The following CENPC variants were observed in gnomAD, a reference collection of about 807,000 sequenced individuals.
The protein encoded by CENPC is CENP-C 1.
In CENPC, 63 loss-of-function variants were observed where a neutral mutation model predicts 112.1. That is an observed-to-expected ratio of 0.56 (90% CI 0.46 to 0.69). The LOEUF is 0.69. CENPC is among the 30% of genes least tolerant of loss of function. CENPC has a pLI of 0.00. For synonymous variants in CENPC, 333 were observed against 367.6 expected (o/e 0.91, Z 1.08); for missense variants, 1,000 against 1,103.8 (o/e 0.91, Z 1.33).
intron 4 of CENPC, among the ~76,000 whole-genome samples, chr4:67,534,430 G>A (rs1488300657): frequency 1.3e-5 from 2 of 152,084 alleles, no homozygotes; most frequent in African/African-American, 2.4e-5. Flanking sequence ...TAGTAAAACC[G>A]AAGAGCCCCT....
chr4:67,509,425 C>G (rs1334968784), intron 9 of CENPC, among the ~76,000 whole-genome samples: 1 of 152,074 alleles, frequency 6.6e-6, no homozygotes, highest in Non-Finnish European at 1.5e-5. Context: ...CCCAAGGTGA[C>G]AGCTTCAGCT....
chr4:67,514,137 T>A lies in CENPC; in HGVS notation c.1381A>T (p.Asn461Tyr). The change falls in exon 8 of 19, where the codon AAT (asparagine) becomes TAT (tyrosine). Residue 461 changes from asparagine (N) to tyrosine (Y), a missense_variant. Transcript: ENST00000273853. ...QDEFQRNSDRNMEEHEEMGND... is the reference protein window; with the variant it reads ...QDEFQRNSDRYMEEHEEMGND... ...CCCATCTCTTCATGCTCTTCCATATTTCTGTCTGAATTTCTTTGAAATTCG... is the reference window on the plus strand; with the variant it reads ...CCCATCTCTTCATGCTCTTCCATATATCTGTCTGAATTTCTTTGAAATTCG... 1 of 1,610,566 alleles carries A rather than the reference T, an allele frequency of 6.2e-7. No individual in the cohort carries two copies. The highest frequency in any genetic ancestry group is 8.5e-7 in the Non-Finnish European group (1 of 1,178,670).
intron 18 of CENPC, among the ~76,000 whole-genome samples, chr4:67,474,232 T>C (rs938975718): frequency 6.6e-6 from 1 of 151,942 alleles, no homozygotes; most frequent in Non-Finnish European, 1.5e-5. Flanking sequence ...GCCCAGCTAA[T>C]TTTTTTGTAT....
chr4:67,521,022 C>CAAATAAAT (rs79427742), intron 5 of CENPC, among the ~76,000 whole-genome samples: 29,025 of 149,358 alleles, frequency 0.19, 3,130 homozygotes, highest in Non-Finnish European at 0.25. Flanking sequence ...AAAAAATAAA[C>CAAATAAAT]AAATAAATAA....
At chr4:67,511,032 C>G (rs1350317186) in intron 9 of CENPC, 1 of 455,970 alleles carries the variant, frequency 2.2e-6, no homozygotes, top group Non-Finnish European at 4.4e-6. Flanking sequence ...CAACCTGGGG[C>G]AGAAAAGTGA....
intron 4 of CENPC, among the ~76,000 whole-genome samples, chr4:67,536,408 A>G (rs534842953): frequency 6.6e-6 from 1 of 152,352 alleles, no homozygotes; most frequent in South Asian, 2.1e-4. Flanking sequence ...GTTATCCCAG[A>G]AAACAGAAGA....
chr4:67,494,778 A>G (rs1050340603), intron 13 of CENPC, among the ~76,000 whole-genome samples: 1 of 152,192 alleles, frequency 6.6e-6, no homozygotes, highest in African/African-American at 2.4e-5. Flanking sequence ...TCTACTTACT[A>G]TCCTAGCTAC....
chr4:67,475,756 G>A (rs755515642), intron 17 of CENPC, among the ~76,000 whole-genome samples: 6 of 152,120 alleles, frequency 3.9e-5, no homozygotes, highest in Admixed American at 2.0e-4. Context: ...CCGCCATCGC[G>A]CCTGGCTAAT....
intron 12 of CENPC, among the ~76,000 whole-genome samples, chr4:67,504,092 C>CAAAAAAAAAAAAAAAAAAA (rs33925641): frequency 8.8e-6 from 1 of 114,106 alleles, no homozygotes; most frequent in African/African-American, 3.3e-5. Flanking sequence ...GTGAATGGGG[C>CAAAAAAAAAAAAAAAAAAA]AAAAAAAAAA....
chr4:67,534,014 A>G (rs1342218444), intron 4 of CENPC, among the ~76,000 whole-genome samples: 1 of 151,856 alleles, frequency 6.6e-6, no homozygotes, highest in African/African-American at 2.4e-5. Flanking sequence ...CTCCAGCAAC[A>G]GAGCAAGACC....
intron 2 of CENPC, among the ~76,000 whole-genome samples, chr4:67,542,773 T>C (rs1394310258): frequency 3.9e-5 from 6 of 152,154 alleles, no homozygotes; most frequent in African/African-American, 1.2e-4. Flanking sequence ...GTGACTATTA[T>C]AAATTCTGGC....
At position 67,519,517 on chromosome 4, in the gene CENPC, T is replaced by G; in HGVS notation, c.332-15A>C. 2.1e-6 allele frequency: 3 copies of G among 1,426,320 alleles called. No individual in the cohort carries two copies. The highest frequency in any genetic ancestry group is 2.8e-6 in the Non-Finnish European group (3 of 1,077,974). 88.4% of individuals were successfully genotyped at this position (1,426,320 alleles called of 1,614,324 possible). A position where few individuals can be genotyped will look rare whatever the true frequency, so the allele number is the denominator to read the frequency against. ...ATGGGCCTGAACTAGAAGAAAATTA[T>G]ATAAAGATATTTGTCAATTAAAAGA... On this transcript the variant is annotated splice_polypyrimidine_tract_variant and intron_variant, in intron 5 of 18. Coordinates refer to ENST00000273853, the MANE Select transcript of CENPC (RefSeq NM_001812.4).
At chr4:67,514,786 AAACTGTTTATAT>A in intron 7 of CENPC, 99 bp from the exon 8 acceptor site, 4 of 1,239,610 alleles carry the variant, frequency 3.2e-6, no homozygotes, top group Non-Finnish European at 4.4e-6. Flanking sequence ...AATTTCTTTT[AAACTGTTTATAT>A]ATCTCCTCAA....
rs1724631088 is a variant in CENPC at position 67,470,583 on chromosome 4, A to AAAAGAAAAAAG, written c.*2021_*2022insCTTTTTTCTTT. ...GTGAAACTCTGCCTCAAAAAAAAAA[A>AAAAGAAAAAAG]AAAAGAAAAGAAAAGAAAAAAGAAA... On this transcript the variant is annotated 3_prime_UTR_variant, in exon 19 of 19. Coordinates refer to ENST00000273853, the MANE Select transcript of CENPC (RefSeq NM_001812.4). 1.8e-5 allele frequency: 2 copies of AAAAGAAAAAAG among 110,632 alleles called. No individual in the cohort carries two copies. Among genetic ancestry groups the AAAAGAAAAAAG allele is most frequent in the Non-Finnish European group, 3.5e-5 (2 of 56,896 alleles). The allele number at this position is 110,632 out of a possible 1,614,324, so 6.9% of individuals were successfully genotyped here.
chr4:67,489,951 TA>T lies in CENPC; in HGVS notation c.2670+15del. ...CTACCAAGAGTGAAACATAAATATA[TA>T]AAAAAAGTACTCACCAATATATCCT... On this transcript the variant is annotated intron_variant, in intron 17 of 18. Coordinates refer to ENST00000273853, the MANE Select transcript of CENPC (RefSeq NM_001812.4). 1.1e-5 allele frequency: 17 copies of T among 1,502,380 alleles called. No homozygotes were observed. Among genetic ancestry groups the T allele is most frequent in the Admixed American group, 5.0e-5 (2 of 40,186 alleles). The allele number at this position is 1,502,380 out of a possible 1,614,324, so 93.1% of individuals were successfully genotyped here. A position where few individuals can be genotyped will look rare whatever the true frequency, so the allele number is the denominator to read the frequency against.
At chr4:67,545,303 C>CA (rs1272980754) in intron 1 of CENPC, 35 bp downstream of exon 1, 1 of 1,460,944 alleles carries the variant, frequency 6.8e-7, no homozygotes, top group African/African-American at 1.4e-5. Context: ...GCCAGCCGCT[C>CA]AACCACTCGC....
chr4:67,505,185 GA>G lies in CENPC; in HGVS notation c.2131+19del, dbSNP rs772693518. 12 of 1,511,310 alleles carry G rather than the reference GA, an allele frequency of 7.9e-6. No individual in the cohort carries two copies. The highest frequency in any genetic ancestry group is 3.8e-5 in the South Asian group (3 of 79,758). The allele number at this position is 1,511,310 out of a possible 1,614,324, so 93.6% of individuals were successfully genotyped here. On this transcript the variant is annotated intron_variant, in intron 12 of 18. Coordinates refer to ENST00000273853, the MANE Select transcript of CENPC (RefSeq NM_001812.4). ...TCATAATGCCATAAAAATCAAGACA[GA>G]AAAAAAACAATAGTTTACCTGAACT...
chr4:67,524,895 T>C (rs771583108), intron 5 of CENPC, among the ~76,000 whole-genome samples: 4 of 152,050 alleles, frequency 2.6e-5, no homozygotes, highest in Non-Finnish European at 4.4e-5. Flanking sequence ...AAGAACAAAG[T>C]GGAAGGCATC....
intron 5 of CENPC, among the ~76,000 whole-genome samples, chr4:67,526,931 A>G (rs1021343459): frequency 5.3e-5 from 8 of 152,232 alleles, no homozygotes; most frequent in Admixed American, 4.6e-4. Flanking sequence ...CTGAAATTGC[A>G]CAGTGCATAC....
Sources: gnomAD v4.1 joint callset for allele counts (sites outside exome capture counted in the v4.1 genomes callset) on GRCh38, gnomAD v4.1.1 for gene constraint, MANE v1.5 for transcripts, NCBI Gene and HGNC (gene_info 2026-07-23, HGNC 2026-07-21) for gene names.